CSNK1G2: variants seen among roughly 807,000 people sequenced by gnomAD.
The protein encoded by CSNK1G2 is casein kinase I isoform gamma-2.
A neutral mutation model predicts 48.0 loss-of-function variants in CSNK1G2; 11 were observed. The observed-to-expected ratio is 0.23, with a 90% confidence interval of 0.14 to 0.38. CSNK1G2 has a LOEUF of 0.38. CSNK1G2 is among the 10% of genes least tolerant of loss of function. The pLI is 1.00. For synonymous variants in CSNK1G2, 337 were observed against 254.1 expected, an observed-to-expected ratio of 1.33 and a Z score of -3.10; for missense variants, 446 against 595.5, an observed-to-expected ratio of 0.75 and a Z score of 2.61.
At chr19:1,975,437 G>A (rs142533992) in intron 2 of CSNK1G2, 606 of 985,488 alleles carry the variant, frequency 6.1e-4, no homozygotes, top group Non-Finnish European at 5.7e-4. Flanking sequence ...CCGGAACTCC[G>A]CTCTGGAGAG....
intron 2 of CSNK1G2, among the ~76,000 whole-genome samples, chr19:1,973,177 T>C (rs1172107346): frequency 6.6e-6 from 1 of 151,914 alleles, no homozygotes; most frequent in Non-Finnish European, 1.5e-5. Context: ...TCTGCCCGCC[T>C]CGGCCTCCCA....
At chr19:1,953,308 G>C (rs938137739) in intron 1 of CSNK1G2, 1 of 513,148 alleles carries the variant, frequency 1.9e-6, no homozygotes, top group African/African-American at 1.9e-5. Context: ...GCAGGAAGCA[G>C]AGCTGAGGCT....
At chr19:1,968,852 G>A (rs2015467575) in intron 1 of CSNK1G2, 2 of 152,756 alleles carry the variant, frequency 1.3e-5, no homozygotes, top group South Asian at 4.1e-4. Flanking sequence ...GCCTCGAGTG[G>A]CGTCCAGCCT....
At chr19:1,971,366 C>T (rs1180559068) in intron 2 of CSNK1G2, among the ~76,000 whole-genome samples, 1 of 152,254 alleles carries the variant, frequency 6.6e-6, no homozygotes, top group African/African-American at 2.4e-5. Flanking sequence ...CGAAGCCTCA[C>T]TGCCGGTCCG....
At chr19:1,976,927 T>C (rs994869588) in intron 2 of CSNK1G2, among the ~76,000 whole-genome samples, 2 of 152,022 alleles carry the variant, frequency 1.3e-5, no homozygotes, top group South Asian at 2.1e-4. Context: ...TTAGTAGAGA[T>C]GGGGTTTCTC....
chr19:1,957,826 G>T lies in CSNK1G2; in HGVS notation c.-265-11682G>T, dbSNP rs550599251. Among the ~76,000 whole-genome samples the T allele has an allele frequency of 9.2e-5, 14 of 151,936 alleles. No individual in the cohort carries two copies. In the South Asian group the frequency reaches 2.9e-3, roughly 32 times the overall value. On this transcript the variant is annotated intron_variant, in intron 1 of 11. Coordinates refer to ENST00000255641, the MANE Select transcript of CSNK1G2 (RefSeq NM_001319.7). The surrounding 1 kb of genome is among the most constrained non-coding windows in gnomAD (Gnocchi z 5.4). ...TGTGCTCGGCGGGCGCCGTGTTTGT[G>T]GGGTGGGAGCTAGGCGGGCGCCGTT...
chr19:1,978,598 G>T lies in CSNK1G2; in HGVS notation c.299-4G>T, dbSNP rs762967432. The stretch of plus-strand genomic sequence containing the variant: ...CACGCCCGTGCGTCTGTCCTCCGCC[G>T]CAGAGGGCGTCCCTCAGGTCTACTA... On this transcript the variant is annotated splice_polypyrimidine_tract_variant and splice_region_variant and intron_variant, in intron 4 of 11. Transcript: ENST00000255641. The surrounding 1 kb of genome is among the most constrained non-coding windows in gnomAD (Gnocchi z 7.3). 3.8e-6 allele frequency: 6 copies of T among 1,590,458 alleles called. No homozygotes were observed. In the Admixed American group the frequency reaches 8.8e-5, roughly 23 times the overall value.
intron 1 of CSNK1G2, among the ~76,000 whole-genome samples, chr19:1,946,604 T>C (rs1460934587): frequency 1.4e-5 from 2 of 139,840 alleles, no homozygotes; most frequent in African/African-American, 5.3e-5. Flanking sequence ...TATTTATTTA[T>C]TTATTATTAT....
intron 1 of CSNK1G2, among the ~76,000 whole-genome samples, chr19:1,955,889 G>A (rs12980373): frequency 0.42 from 63,238 of 152,134 alleles, 15,948 homozygotes; most frequent in Non-Finnish European, 0.57. Flanking sequence ...CATCCAGGGG[G>A]CCAGAGAGAA....
intron 1 of CSNK1G2, among the ~76,000 whole-genome samples, chr19:1,967,286 G>C (rs1415882228): frequency 6.6e-6 from 1 of 152,180 alleles, no homozygotes; most frequent in African/African-American, 2.4e-5. Flanking sequence ...GGGAGTTCCT[G>C]TCCTAACATT....
intron 1 of CSNK1G2, among the ~76,000 whole-genome samples, chr19:1,947,040 C>T (rs2014589767): frequency 6.6e-6 from 1 of 152,252 alleles, no homozygotes; most frequent in African/African-American, 2.4e-5. Flanking sequence ...AGGCGTGAGC[C>T]ACCGTGCCCG....
rs34612691 is a variant in CSNK1G2, at chr19:1,972,930, GTT to G, written c.187+2985_187+2986del. Among the ~76,000 whole-genome samples the G allele has an allele frequency of 3.9e-3, 495 of 128,170 alleles. 7 individuals carry two copies. Among genetic ancestry groups the G allele is most frequent in the African/African-American group, 0.013 (451 of 34,524 alleles). 84.1% of individuals were successfully genotyped at this position (128,170 alleles called of 152,430 possible). A position where few individuals can be genotyped will look rare whatever the true frequency, so the allele number is the denominator to read the frequency against. On this transcript the variant is annotated intron_variant, in intron 2 of 11. Transcript: ENST00000255641. ...TGAGTTACCGCGCCTCGCCTGCTTT[GTT>G]TTTTTTTTTTTTTGAGACAGAGTCT... is the stretch of plus-strand genomic sequence containing the variant.
chr19:1,965,208 C>T (rs748876524), intron 1 of CSNK1G2, among the ~76,000 whole-genome samples: 31 of 149,724 alleles, frequency 2.1e-4, no homozygotes, highest in East Asian at 8.5e-4. Context: ...ACAGTGAAAC[C>T]GCGTCTCTAC....
intron 1 of CSNK1G2, among the ~76,000 whole-genome samples, chr19:1,958,308 T>C (rs1428147617): frequency 6.6e-6 from 1 of 151,830 alleles, no homozygotes; most frequent in Non-Finnish European, 1.5e-5. Flanking sequence ...GTGTGTATGT[T>C]AGGGGAACAG....
At chr19:1,976,137 A>G in intron 2 of CSNK1G2, 6 of 1,282,106 alleles carry the variant, frequency 4.7e-6, no homozygotes, top group Non-Finnish European at 6.1e-6. Flanking sequence ...GGCCTCGGCA[A>G]TGAGTGTTGG....
intron 1 of CSNK1G2, among the ~76,000 whole-genome samples, chr19:1,944,740 G>T (rs2014492937): frequency 6.6e-6 from 1 of 152,106 alleles, no homozygotes; most frequent in South Asian, 2.1e-4. Context: ...AGGGCTCAAA[G>T]TGAGGGTCTG....
At chr19:1,976,982 G>A (rs1344037316) in intron 2 of CSNK1G2, among the ~76,000 whole-genome samples, 2 of 152,088 alleles carry the variant, frequency 1.3e-5, no homozygotes, top group Non-Finnish European at 2.9e-5. Context: ...CAGGTGATCC[G>A]CCTGCGTCAG....
At chr19:1,954,142 C>T (rs990278881) in intron 1 of CSNK1G2, 7 of 429,762 alleles carry the variant, frequency 1.6e-5, no homozygotes, top group East Asian at 5.7e-5. Context: ...AACCCATTAC[C>T]GGCCTAGGTC....
At chr19:1,951,552 C>T (rs12977433) in intron 1 of CSNK1G2, among the ~76,000 whole-genome samples, 71,906 of 145,252 alleles carry the variant, frequency 0.5, 23,691 homozygotes, top group Non-Finnish European at 0.65. Context: ...GTGTGCATGA[C>T]GGACAGGGGT....
Sources: allele counts gnomAD v4.1 joint callset (sites outside exome capture counted in the v4.1 genomes callset), GRCh38; gene constraint gnomAD v4.1.1; non-coding constraint Gnocchi (gnomAD v3.1); transcripts MANE v1.5; gene names NCBI Gene and HGNC (gene_info 2026-07-23, HGNC 2026-07-21).